Variants in PVT1 observed in about 807,000 individuals in gnomAD.
The protein encoded by PVT1 is Pvt1 oncogene, also known as CXCR4/PVT1 fusion.
intron 3 of PVT1, among the ~76,000 whole-genome samples, chr8:127,957,327 G>T (rs896279411): frequency 6.6e-6 from 1 of 152,138 alleles, no homozygotes; most frequent in Non-Finnish European, 1.5e-5. Flanking sequence ...CCAGCACTAT[G>T]CGAGACCGAG....
intron 3 of PVT1, among the ~76,000 whole-genome samples, chr8:127,922,948 GC>G (rs1333652888): frequency 6.6e-6 from 1 of 152,210 alleles, no homozygotes; most frequent in East Asian, 1.9e-4. Context: ...AGCATTAGTG[GC>G]CATCTCCCCA....
At chr8:127,969,100 G>A (rs1194421697) in intron 3 of PVT1, among the ~76,000 whole-genome samples, 4 of 152,196 alleles carry the variant, frequency 2.6e-5, no homozygotes, top group African/African-American at 4.8e-5. Flanking sequence ...CTATCTTGAG[G>A]TGATGGCTTT....
At chr8:127,979,211 G>A (rs1199071025) in intron 3 of PVT1, among the ~76,000 whole-genome samples, 1 of 152,194 alleles carries the variant, frequency 6.6e-6, no homozygotes, top group African/African-American at 2.4e-5. Flanking sequence ...TTAGGTGCTA[G>A]GTGAACAAAG....
chr8:127,975,355 G>A (rs7004744), intron 3 of PVT1, among the ~76,000 whole-genome samples: 115,622 of 152,142 alleles, frequency 0.76, 44,340 homozygotes, highest in South Asian at 0.88. Flanking sequence ...AATGGATGCA[G>A]AATGATCTCT....
chr8:127,902,547 G>A (rs1434931795), intron 3 of PVT1, among the ~76,000 whole-genome samples: 1 of 151,822 alleles, frequency 6.6e-6, no homozygotes, highest in Non-Finnish European at 1.5e-5. Flanking sequence ...CAGGTACTGA[G>A]CATAGTATCC....
At chr8:128,043,139 C>T (rs1813565737) in intron 4 of PVT1, among the ~76,000 whole-genome samples, 1 of 152,122 alleles carries the variant, frequency 6.6e-6, no homozygotes, top group South Asian at 2.1e-4. Flanking sequence ...GGCCAGCCCT[C>T]CATTAGCATC....
At chr8:128,003,002 T>TCC (rs1482025325) in intron 4 of PVT1, among the ~76,000 whole-genome samples, 2 of 130,306 alleles carry the variant, frequency 1.5e-5, no homozygotes, top group Non-Finnish European at 3.2e-5. Context: ...CCTCCCTTCT[T>TCC]TTTTCTTTCT....
chr8:127,881,464 A>ATTT (rs34941063), intron 2 of PVT1, among the ~76,000 whole-genome samples: 1 of 90,736 alleles, frequency 1.1e-5, no homozygotes, highest in Non-Finnish European at 1.9e-5. Flanking sequence ...TATTATTATT[A>ATTT]TTTCAGATGG....
intron 2 of PVT1, among the ~76,000 whole-genome samples, chr8:127,876,433 TTA>T (rs1815406126): frequency 6.6e-6 from 1 of 151,898 alleles, no homozygotes; most frequent in African/African-American, 2.4e-5. Context: ...TTATTTTATT[TTA>T]TTTTTATTTT....
At chr8:128,039,274 T>C in intron 4 of PVT1, among the ~76,000 whole-genome samples, 1 of 152,044 alleles carries the variant, frequency 6.6e-6, no homozygotes, top group East Asian at 1.9e-4. Flanking sequence ...CTCCCACCTT[T>C]CCTTACCTGG....
chr8:127,802,612 G>GT (rs1306431570), intron 2 of PVT1, among the ~76,000 whole-genome samples: 1 of 152,190 alleles, frequency 6.6e-6, no homozygotes, highest in African/African-American at 2.4e-5. Context: ...AATTTCATCT[G>GT]TTTTTTCTAA....
chr8:128,015,319 G>T (rs1221765717), intron 4 of PVT1, among the ~76,000 whole-genome samples: 2 of 151,834 alleles, frequency 1.3e-5, no homozygotes, highest in African/African-American at 4.8e-5. Flanking sequence ...TAAACTCCTG[G>T]CCTCATGTGA....
chr8:128,075,886 A>G (rs1814082575), intron 5 of PVT1, among the ~76,000 whole-genome samples: 1 of 152,128 alleles, frequency 6.6e-6, no homozygotes, highest in Admixed American at 6.6e-5. Context: ...CTTCTCTTGT[A>G]TAAGTTGACA....
intron 2 of PVT1, among the ~76,000 whole-genome samples, chr8:127,799,708 G>C (rs1260742365): frequency 6.6e-6 from 1 of 152,190 alleles, no homozygotes; most frequent in African/African-American, 2.4e-5. Context: ...ATGATGAACA[G>C]AATGTGTCTG....
intron 4 of PVT1, among the ~76,000 whole-genome samples, chr8:128,003,840 A>G (rs1586476888): frequency 1.3e-5 from 2 of 152,200 alleles, no homozygotes; most frequent in East Asian, 3.8e-4. Flanking sequence ...GTCTTTGTCT[A>G]TTTGGGCTGC....
At chr8:127,991,469 G>A (rs1817040944) in intron 4 of PVT1, among the ~76,000 whole-genome samples, 1 of 152,072 alleles carries the variant, frequency 6.6e-6, no homozygotes, top group African/African-American at 2.4e-5. Flanking sequence ...TCTGAGGCAG[G>A]CTTAGGGAGC....
At chr8:127,901,574 C>CT (rs926877678) in intron 3 of PVT1, among the ~76,000 whole-genome samples, 5 of 151,946 alleles carry the variant, frequency 3.3e-5, no homozygotes, top group South Asian at 2.1e-4. Flanking sequence ...TTTTTCTTTT[C>CT]TTTTTTTTAT....
intron 4 of PVT1, among the ~76,000 whole-genome samples, chr8:128,019,123 C>G (rs183572700): frequency 6.6e-6 from 1 of 152,326 alleles, no homozygotes; most frequent in East Asian, 1.9e-4. Context: ...AGAGCCACTG[C>G]GTCTGGACCA....
At chr8:127,870,577 G>T (rs909770396) in intron 2 of PVT1, among the ~76,000 whole-genome samples, 7 of 152,160 alleles carry the variant, frequency 4.6e-5, no homozygotes, top group African/African-American at 1.7e-4. Flanking sequence ...CTTTACATAG[G>T]ACTACTTGGT....
Sources: gnomAD v4.1 joint callset for allele counts (sites outside exome capture counted in the v4.1 genomes callset) on GRCh38, gnomAD v4.1.1 for gene constraint, MANE v1.5 for transcripts, NCBI Gene and HGNC (gene_info 2026-07-23, HGNC 2026-07-21) for gene names.